The following KIAA1328 variants were observed in gnomAD, a reference collection of about 807,000 sequenced individuals.
KIAA1328 encodes the protein KIAA1328, also known as protein hinderin.
A neutral mutation model predicts 68.1 loss-of-function variants in KIAA1328; 52 were observed. The observed-to-expected ratio is 0.76, with a 90% CI of 0.61 to 0.96. The LOEUF (loss-of-function observed/expected upper bound fraction) is 0.96, where lower values mean the gene tolerates loss of function less well. KIAA1328 is among the 40% of genes least tolerant of loss of function. The pLI is 0.00. For missense variants in KIAA1328, 641 were observed against 677.6 expected, an observed-to-expected ratio of 0.95 and a Z score of 0.60; for synonymous variants, 232 against 239.4, an observed-to-expected ratio of 0.97 and a Z score of 0.28.
intron 9 of KIAA1328, among the ~76,000 whole-genome samples, chr18:37,200,172 G>A (rs886185159): frequency 1.3e-5 from 2 of 152,216 alleles, no homozygotes; most frequent in Non-Finnish European, 2.9e-5. Flanking sequence ...GCCAAGTGAG[G>A]ACAGCTGCCC....
chr18:37,077,282 C>T (rs1384580547), intron 7 of KIAA1328, among the ~76,000 whole-genome samples: 3 of 123,428 alleles, frequency 2.4e-5, no homozygotes, highest in Admixed American at 2.3e-4. Context: ...CAAAATTCAA[C>T]AAGGCTTCAT....
chr18:37,004,127 A>T (rs1011043536), intron 6 of KIAA1328, among the ~76,000 whole-genome samples: 14 of 151,944 alleles, frequency 9.2e-5, no homozygotes, highest in African/African-American at 3.4e-4. Context: ...GTGAAGAATG[A>T]TGGTGGTGTT....
At position 37,222,367 on chromosome 18, in the gene KIAA1328, T is replaced by C; in HGVS notation, c.*140T>C. ...CTAGCATCCTGTTACGTATTGAATA[T>C]AGAAATCATTCTAACAACCCAGGTT... On this transcript the variant is annotated 3_prime_UTR_variant, in exon 10 of 10. Coordinates refer to ENST00000280020, the MANE Select transcript of KIAA1328 (RefSeq NM_020776.3). 1 of 1,453,198 alleles carries C rather than the reference T, an allele frequency of 6.9e-7. No individual in the cohort carries two copies. Among genetic ancestry groups the C allele is most frequent in the Non-Finnish European group, 9.0e-7 (1 of 1,109,726 alleles). The allele number at this position is 1,453,198 out of a possible 1,614,324, so 90.0% of individuals were successfully genotyped here.
At chr18:36,997,301 T>C (rs1433348436) in intron 6 of KIAA1328, among the ~76,000 whole-genome samples, 1 of 152,172 alleles carries the variant, frequency 6.6e-6, no homozygotes, top group Non-Finnish European at 1.5e-5. Context: ...AATTCTTCCC[T>C]TTTTCCCTCT....
chr18:36,883,034 A>C (rs1307905906), intron 4 of KIAA1328, among the ~76,000 whole-genome samples: 2 of 152,222 alleles, frequency 1.3e-5, no homozygotes, highest in African/African-American at 4.8e-5. Context: ...TTCCTTTAGT[A>C]GGTATTCACT....
intron 6 of KIAA1328, among the ~76,000 whole-genome samples, chr18:37,050,520 C>CT (rs1219128539): frequency 6.6e-6 from 1 of 152,072 alleles, no homozygotes; most frequent in East Asian, 1.9e-4. Flanking sequence ...TATAAGACTG[C>CT]TTTTTTTCTT....
chr18:36,863,030 T>G (rs1354086444), intron 4 of KIAA1328, among the ~76,000 whole-genome samples: 1 of 152,168 alleles, frequency 6.6e-6, no homozygotes, highest in Non-Finnish European at 1.5e-5. Context: ...GTAACTTGAA[T>G]TTTGAGAGTT....
intron 4 of KIAA1328, among the ~76,000 whole-genome samples, chr18:36,871,141 G>A (rs1388011080): frequency 1.3e-5 from 2 of 152,182 alleles, no homozygotes; most frequent in African/African-American, 4.8e-5. Flanking sequence ...GGGAAGTTAT[G>A]CCTAGAGGAA....
chr18:37,134,514 TG>T (rs1203367575), intron 7 of KIAA1328, among the ~76,000 whole-genome samples: 6 of 152,198 alleles, frequency 3.9e-5, no homozygotes, highest in African/African-American at 1.4e-4. Flanking sequence ...TTTATATTTT[TG>T]CAAATCTTTT....
intron 9 of KIAA1328, among the ~76,000 whole-genome samples, chr18:37,209,682 GA>G (rs1465671410): frequency 6.6e-6 from 1 of 152,094 alleles, no homozygotes; most frequent in African/African-American, 2.4e-5. Context: ...CAAAGGCCTA[GA>G]GGTAAGAATT....
chr18:36,935,166 T>C (rs939693079), intron 5 of KIAA1328, among the ~76,000 whole-genome samples: 2 of 152,226 alleles, frequency 1.3e-5, no homozygotes, highest in Admixed American at 1.3e-4. Flanking sequence ...CCACATTTAT[T>C]TGATAACATA....
At chr18:37,065,570 C>G (rs2056311860) in intron 6 of KIAA1328, among the ~76,000 whole-genome samples, 1 of 152,160 alleles carries the variant, frequency 6.6e-6, no homozygotes, top group Non-Finnish European at 1.5e-5. Flanking sequence ...TTTTGCTGTG[C>G]TCCAGATCTA....
At chr18:37,006,799 A>G (rs2053802048) in intron 6 of KIAA1328, among the ~76,000 whole-genome samples, 2 of 152,270 alleles carry the variant, frequency 1.3e-5, no homozygotes, top group South Asian at 2.1e-4. Flanking sequence ...TTAAGAGGCA[A>G]TCAGGTGAAA....
chr18:36,999,849 A>C (rs2053523752), intron 6 of KIAA1328, among the ~76,000 whole-genome samples: 1 of 152,154 alleles, frequency 6.6e-6, no homozygotes, highest in Non-Finnish European at 1.5e-5. Flanking sequence ...ACTCACTGGT[A>C]AAGCAATCAT....
chr18:37,148,477 C>T (rs1458328344), intron 7 of KIAA1328, among the ~76,000 whole-genome samples: 1 of 152,086 alleles, frequency 6.6e-6, no homozygotes, highest in Non-Finnish European at 1.5e-5. Context: ...GATTTGTATT[C>T]CTTTGGGTAT....
chr18:36,829,531 C>T (rs189501831), intron 1 of KIAA1328: 3 of 953,442 alleles, frequency 3.1e-6, no homozygotes, highest in Non-Finnish European at 3.9e-6. Flanking sequence ...CAGAGTGCCC[C>T]CAGGCTGACT....
At chr18:36,945,262 G>T (rs2050858048) in intron 5 of KIAA1328, among the ~76,000 whole-genome samples, 1 of 152,092 alleles carries the variant, frequency 6.6e-6, no homozygotes, top group Non-Finnish European at 1.5e-5. Context: ...TTCTTTACCA[G>T]TGTTTCAGAA....
intron 1 of KIAA1328, among the ~76,000 whole-genome samples, chr18:36,830,883 G>A (rs192746168): frequency 2.2e-3 from 339 of 152,356 alleles, no homozygotes; most frequent in Non-Finnish European, 2.7e-3. Flanking sequence ...AAAGTTGCTA[G>A]TGTCACCTTT....
intron 5 of KIAA1328, among the ~76,000 whole-genome samples, chr18:36,939,451 C>T (rs149572638): frequency 4.5e-4 from 68 of 152,152 alleles, no homozygotes; most frequent in Middle Eastern, 3.4e-3. Context: ...TTGGGTTCTG[C>T]AATTTGACTG....
Sources: gnomAD v4.1 joint callset for allele counts (sites outside exome capture counted in the v4.1 genomes callset) on GRCh38, gnomAD v4.1.1 for gene constraint, MANE v1.5 for transcripts, NCBI Gene and HGNC (gene_info 2026-07-23, HGNC 2026-07-21) for gene names.